The following TTC28 variants were observed in gnomAD, a reference collection of about 807,000 sequenced individuals.
TTC28 encodes the protein tetratricopeptide repeat protein 28.
A neutral mutation model predicts 198.0 loss-of-function variants in TTC28; 61 were observed. The ratio of observed to expected loss-of-function variants is 0.31; its 90% CI spans 0.25 to 0.38. The LOEUF (loss-of-function observed/expected upper bound fraction) is 0.38, where lower values mean the gene tolerates loss of function less well. Among genes scored for constraint, TTC28 ranks in the 10% least tolerant of loss-of-function variants. The probability of loss-of-function intolerance (pLI) is 1.00; values close to 1 mark genes in which losing one functional copy is unlikely to be tolerated. For missense variants in TTC28, 2,678 were observed against 3,164.0 expected, an observed-to-expected ratio of 0.85 and a Z score of 3.69; for synonymous variants, 1,171 against 1,297.8, an observed-to-expected ratio of 0.90 and a Z score of 2.10.
intron 2 of TTC28, among the ~76,000 whole-genome samples, chr22:28,596,237 T>C (rs1173164202): frequency 6.6e-6 from 1 of 151,522 alleles, no homozygotes; most frequent in East Asian, 1.9e-4. Context: ...AGAACCAAAG[T>C]GGGGAAGAAA....
chr22:28,556,108 C>A (rs1037910311), intron 2 of TTC28, among the ~76,000 whole-genome samples: 1 of 151,966 alleles, frequency 6.6e-6, no homozygotes, highest in Non-Finnish European at 1.5e-5. Context: ...CCTGTAATCC[C>A]AGCACTTTGG....
chr22:28,472,545 AATGTGT>A (rs71316841), intron 2 of TTC28, among the ~76,000 whole-genome samples: 13,796 of 121,126 alleles, frequency 0.11, 716 homozygotes, highest in Non-Finnish European at 0.13. Context: ...ACAAAAAGAA[AATGTGT>A]ATGTGTGTGT....
intron 5 of TTC28, among the ~76,000 whole-genome samples, chr22:28,265,018 T>G (rs770680975): frequency 3.3e-5 from 5 of 152,146 alleles, no homozygotes; most frequent in Admixed American, 6.6e-5. Flanking sequence ...TATACAAGAA[T>G]TCCTTGAAAA....
chr22:28,652,044 T>G (rs2051572893), intron 1 of TTC28, among the ~76,000 whole-genome samples: 1 of 151,868 alleles, frequency 6.6e-6, no homozygotes, highest in Non-Finnish European at 1.5e-5. Flanking sequence ...TTCACCACAT[T>G]GGCCAGGCTG....
intron 2 of TTC28, among the ~76,000 whole-genome samples, chr22:28,394,226 C>T (rs2046779061): frequency 6.6e-6 from 1 of 152,144 alleles, no homozygotes; most frequent in East Asian, 1.9e-4. Context: ...CTGCACCCAA[C>T]CCTATTTTTT....
chr22:28,609,108 G>A (rs976091395), intron 2 of TTC28, among the ~76,000 whole-genome samples: 5 of 152,230 alleles, frequency 3.3e-5, no homozygotes, highest in African/African-American at 7.2e-5. Flanking sequence ...CTTACTAGAC[G>A]AAGATACTAA....
chr22:28,470,502 C>T (rs1312597680), intron 2 of TTC28, among the ~76,000 whole-genome samples: 1 of 152,118 alleles, frequency 6.6e-6, no homozygotes, highest in Non-Finnish European at 1.5e-5. Flanking sequence ...GCATCTGCCT[C>T]CAAGGTCTAA....
chr22:28,610,601 A>T (rs2050803706), intron 2 of TTC28, among the ~76,000 whole-genome samples: 1 of 152,212 alleles, frequency 6.6e-6, no homozygotes, highest in Admixed American at 6.5e-5. Context: ...AGATAAATCC[A>T]TGAAGATGGG....
chr22:28,545,843 G>C (rs965318238), intron 2 of TTC28, among the ~76,000 whole-genome samples: 6 of 152,096 alleles, frequency 3.9e-5, no homozygotes, highest in Admixed American at 3.3e-4. Flanking sequence ...TATTTAATTA[G>C]AGAAGTATAC....
chr22:28,401,570 G>C (rs899511474), intron 2 of TTC28, among the ~76,000 whole-genome samples: 1 of 151,952 alleles, frequency 6.6e-6, no homozygotes, highest in African/African-American at 2.4e-5. Context: ...AGCTGAGATC[G>C]CACCACTGTA....
At chr22:28,548,319 C>G (rs2049586971) in intron 2 of TTC28, among the ~76,000 whole-genome samples, 1 of 152,192 alleles carries the variant, frequency 6.6e-6, no homozygotes, top group African/African-American at 2.4e-5. Flanking sequence ...TCAATTCATT[C>G]TGGTATCTCA....
intron 2 of TTC28, among the ~76,000 whole-genome samples, chr22:28,487,099 C>T (rs1327920479): frequency 2.0e-5 from 3 of 151,994 alleles, no homozygotes; most frequent in African/African-American, 4.8e-5. Flanking sequence ...ATGGAAAAAT[C>T]GATGGTGAAT....
At chr22:28,483,253 T>C (rs1054685643) in intron 2 of TTC28, among the ~76,000 whole-genome samples, 1 of 152,118 alleles carries the variant, frequency 6.6e-6, no homozygotes, top group Non-Finnish European at 1.5e-5. Flanking sequence ...TTATATTATA[T>C]ATTTAAGCAT....
At chr22:28,554,446 T>C (rs993830913) in intron 2 of TTC28, among the ~76,000 whole-genome samples, 3 of 151,060 alleles carry the variant, frequency 2.0e-5, no homozygotes, top group African/African-American at 7.3e-5. Flanking sequence ...AAGACAACAT[T>C]GGAAAAACCC....
At chr22:28,653,466 G>A (rs1339125939) in intron 1 of TTC28, among the ~76,000 whole-genome samples, 1 of 151,444 alleles carries the variant, frequency 6.6e-6, no homozygotes, top group Non-Finnish European at 1.5e-5. Context: ...TGGTGCCACT[G>A]CACTCCAGCC....
At chr22:28,374,681 T>A (rs962587365) in intron 2 of TTC28, among the ~76,000 whole-genome samples, 2 of 151,930 alleles carry the variant, frequency 1.3e-5, no homozygotes, top group Admixed American at 6.6e-5. Context: ...AAGTTTTTTG[T>A]TTGTTTGTTT....
chr22:28,530,476 A>C (rs1337882652), intron 2 of TTC28, among the ~76,000 whole-genome samples: 4 of 152,196 alleles, frequency 2.6e-5, no homozygotes, highest in Non-Finnish European at 4.4e-5. Flanking sequence ...ACCAAGTTGG[A>C]AAACACTCTC....
At chr22:28,283,984 A>G (rs1281559015) in intron 5 of TTC28, among the ~76,000 whole-genome samples, 1 of 152,178 alleles carries the variant, frequency 6.6e-6, no homozygotes, top group Non-Finnish European at 1.5e-5. Flanking sequence ...CTCTGAGTAA[A>G]ATAAAGATTA....
intron 2 of TTC28, among the ~76,000 whole-genome samples, chr22:28,573,768 C>T (rs959113464): frequency 1.3e-5 from 2 of 151,960 alleles, no homozygotes; most frequent in East Asian, 1.9e-4. Flanking sequence ...AGTCACCTGT[C>T]GTGCTATCAA....
Sources: gnomAD v4.1 joint callset for allele counts (sites outside exome capture counted in the v4.1 genomes callset) on GRCh38, gnomAD v4.1.1 for gene constraint, MANE v1.5 for transcripts, NCBI Gene and HGNC (gene_info 2026-07-23, HGNC 2026-07-21) for gene names.